ACSM3: variants seen among roughly 807,000 people sequenced by gnomAD.
ACSM3 encodes acyl-CoA synthetase medium chain family member 3.
Under a neutral mutation model 74.1 loss-of-function variants are expected in ACSM3, and 61 were observed. The ratio of observed to expected loss-of-function variants is 0.82; its 90% CI spans 0.67 to 1.02. The LOEUF (loss-of-function observed/expected upper bound fraction) is 1.02, where lower values mean the gene tolerates loss of function less well. Ranked by LOEUF, ACSM3 falls within the 50% of genes least tolerant of loss-of-function variation. The pLI is 0.00. For missense variants in ACSM3, 660 were observed against 697.0 expected (o/e 0.95, Z 0.60); for synonymous variants, 213 against 241.5 (o/e 0.88, Z 1.09).
chr16:20,758,505 T>C (rs2080049748), intron 3 of ACSM3, among the ~76,000 whole-genome samples: 1 of 152,082 alleles, frequency 6.6e-6, no homozygotes, highest in Admixed American at 6.5e-5. Flanking sequence ...TTTTATTGTG[T>C]CTATTTGATT....
chr16:20,774,740 A>G (rs1031179677), intron 2 of ACSM3, among the ~76,000 whole-genome samples: 7 of 152,236 alleles, frequency 4.6e-5, no homozygotes, highest in African/African-American at 1.7e-4. Context: ...AGTGGGTCCC[A>G]GGCAGGCTGA....
At chr16:20,758,683 G>A (rs2080051607) in intron 3 of ACSM3, among the ~76,000 whole-genome samples, 1 of 151,800 alleles carries the variant, frequency 6.6e-6, no homozygotes, top group African/African-American at 2.4e-5. Flanking sequence ...TTTTGAATGT[G>A]TTTGCTCTTG....
chr16:20,742,164 A>G, intron 1 of ACSM3: 2 of 784,352 alleles, frequency 2.5e-6, no homozygotes, highest in Non-Finnish European at 3.5e-6. Context: ...ACGTGGACAC[A>G]ATGGTCAAGT....
chr16:20,751,379 A>G (rs891494140), intron 2 of ACSM3, among the ~76,000 whole-genome samples: 2 of 152,172 alleles, frequency 1.3e-5, no homozygotes, highest in African/African-American at 2.4e-5. Flanking sequence ...ATTTATAAAA[A>G]TGTTTTTCTT....
intron 1 of ACSM3, chr16:20,682,166 A>G (rs1379364299): frequency 1.1e-5 from 14 of 1,272,738 alleles, no homozygotes; most frequent in Middle Eastern, 5.4e-4. Context: ...TAATAAATAC[A>G]TCCTCCTCAA....
chr16:20,680,156 T>C (rs2079409433), intron 1 of ACSM3: 1 of 152,196 alleles, frequency 6.6e-6, no homozygotes, highest in African/African-American at 2.4e-5. Context: ...CAAACCAAAC[T>C]GTAAGACAAG....
intron 3 of ACSM3, among the ~76,000 whole-genome samples, chr16:20,758,323 G>T (rs1488404719): frequency 6.6e-6 from 1 of 152,176 alleles, no homozygotes; most frequent in Non-Finnish European, 1.5e-5. Flanking sequence ...CCTGTTATTG[G>T]TCTATTCAGA....
chr16:20,759,590 A>G (rs545151371), upstream of ACSM3, among the ~76,000 whole-genome samples: 16 of 149,586 alleles, frequency 1.1e-4, no homozygotes, highest in South Asian at 3.4e-3. Context: ...GGCTGGGTTC[A>G]GGGAGCTTCT....
intron 1 of ACSM3, chr16:20,685,120 G>C (rs2079523032): frequency 6.6e-7 from 1 of 1,521,382 alleles, no homozygotes. Context: ...TGGGTGCACA[G>C]CACCTAATAT....
At chr16:20,701,732 C>T (rs1208814488) in intron 1 of ACSM3, among the ~76,000 whole-genome samples, 1 of 151,956 alleles carries the variant, frequency 6.6e-6, no homozygotes, top group African/African-American at 2.4e-5. Flanking sequence ...GTGATGTTCC[C>T]CTCCCTGTGT....
At position 20,781,024 on chromosome 16, in the gene ACSM3, C is replaced by T. The variant is rs755942547; in HGVS notation, c.833C>T (p.Thr278Met). ...GATGTGATGTGGAATACCTCAGATACGGGCTGGGCAAAGTCTGCATGGAGT... is the reference window on the plus strand; with the variant it reads ...GATGTGATGTGGAATACCTCAGATATGGGCTGGGCAAAGTCTGCATGGAGT... ...PSDVMWNTSD[T>M]GWAKSAWSSV... The change falls in exon 6 of 14, where the codon ACG becomes ATG. Residue 278 changes from threonine (T) to methionine (M), a missense_variant. Transcript: ENST00000289416. 19 of 1,614,174 alleles carry T rather than the reference C, an allele frequency of 1.2e-5. No homozygotes were observed. Among genetic ancestry groups the T allele is most frequent in the South Asian group, 7.7e-5 (7 of 91,082 alleles).
At chr16:20,761,495 T>C (rs1406480007), upstream of ACSM3, among the ~76,000 whole-genome samples, 1 of 152,192 alleles carries the variant, frequency 6.6e-6, no homozygotes. Context: ...AAGTAGGACA[T>C]GACACCCAAG....
chr16:20,718,906 A>G (rs2079776144), intron 1 of ACSM3, among the ~76,000 whole-genome samples: 1 of 152,232 alleles, frequency 6.6e-6, no homozygotes, highest in African/African-American at 2.4e-5. Context: ...CTAAAATAAG[A>G]GCAGAGGTCT....
intron 1 of ACSM3, chr16:20,738,310 CAAAAAA>C (rs200704193): frequency 4.6e-6 from 1 of 219,226 alleles, no homozygotes; most frequent in South Asian, 3.0e-5. Flanking sequence ...CACTTTTTTA[CAAAAAA>C]AAAAAAAAAA....
intron 1 of ACSM3, chr16:20,737,576 A>G: frequency 1.0e-6 from 1 of 958,434 alleles, no homozygotes; most frequent in Non-Finnish European, 1.5e-6. Context: ...ATTTAATACT[A>G]TTTTAAGAAC....
chr16:20,725,676 T>G (rs2152399824), intron 1 of ACSM3, among the ~76,000 whole-genome samples: 1 of 151,976 alleles, frequency 6.6e-6, no homozygotes, highest in East Asian at 1.9e-4. Context: ...TCTGCGACAA[T>G]CAAAAATGTC....
At chr16:20,783,010 G>T (rs1331245782) in intron 7 of ACSM3, among the ~76,000 whole-genome samples, 2 of 152,170 alleles carry the variant, frequency 1.3e-5, no homozygotes, top group Non-Finnish European at 2.9e-5. Context: ...ATGTAGGCAT[G>T]ATTGATTATT....
intron 1 of ACSM3, among the ~76,000 whole-genome samples, chr16:20,702,412 C>T (rs1422860746): frequency 6.6e-6 from 1 of 152,162 alleles, no homozygotes; most frequent in African/African-American, 2.4e-5. Flanking sequence ...TGGGGTTTCA[C>T]CATGTTAGCC....
rs569334611 is a variant in ACSM3, at chr16:20,766,389, C to G, written c.-52+2264C>G. On this transcript the variant is annotated intron_variant, in intron 1 of 13. Transcript: ENST00000289416. ...CAGAACAGGGCTGAGTGTGGTGGCT[C>G]CCACCTGTAATCCTAGTGCTTTGGG... is the stretch of plus-strand genomic sequence containing the variant. Among the ~76,000 whole-genome samples the G allele has an allele frequency of 5.3e-5, 8 of 151,202 alleles. No individual in the cohort carries two copies. The East Asian group carries it at 1.6e-3, about 29-fold the overall frequency.
Sources: allele counts gnomAD v4.1 joint callset (sites outside exome capture counted in the v4.1 genomes callset), GRCh38; gene constraint gnomAD v4.1.1; transcripts MANE v1.5; gene names NCBI Gene and HGNC (gene_info 2026-07-23, HGNC 2026-07-21).